The following LMBRD2 variants were observed in gnomAD, a reference collection of about 807,000 sequenced individuals.
LMBRD2 encodes LMBR1 domain containing 2.
Under a neutral mutation model 94.4 loss-of-function variants are expected in LMBRD2, and 55 were observed. The observed-to-expected ratio is 0.58, with a 90% confidence interval of 0.47 to 0.73. The LOEUF (loss-of-function observed/expected upper bound fraction) is 0.73. Ranked by LOEUF, LMBRD2 falls within the 30% of genes least tolerant of loss-of-function variation. The pLI is 0.00. For synonymous variants in LMBRD2, 246 were observed against 272.4 expected (o/e 0.90, Z 0.95); for missense variants, 640 against 831.9 (o/e 0.77, Z 2.84).
At chr5:36,132,249 CTG>C (rs1744172366) in intron 6 of LMBRD2, among the ~76,000 whole-genome samples, 2 of 151,980 alleles carry the variant, frequency 1.3e-5, no homozygotes, top group Non-Finnish European at 2.9e-5. Flanking sequence ...AACTGGAAAA[CTG>C]GATATATGCA....
At chr5:36,116,661 C>T in intron 10 of LMBRD2, 68 bp from the exon 11 acceptor site, 1 of 1,426,478 alleles carries the variant, frequency 7.0e-7, no homozygotes, top group South Asian at 1.2e-5. Flanking sequence ...CAATTACAGG[C>T]ATTATCCTTC....
intron 8 of LMBRD2, among the ~76,000 whole-genome samples, 165 bp downstream of exon 8, chr5:36,122,683 C>A (rs1243426494): frequency 6.6e-6 from 1 of 152,060 alleles, no homozygotes; most frequent in Non-Finnish European, 1.5e-5. Context: ...GCCAATAATA[C>A]CCCTGCTGGT....
intron 4 of LMBRD2, among the ~76,000 whole-genome samples, chr5:36,137,664 G>A (rs954167893): frequency 2.6e-5 from 4 of 152,114 alleles, no homozygotes; most frequent in Admixed American, 6.6e-5. Context: ...CCTTTATGAA[G>A]AGTCTGGACT....
chr5:36,145,483 C>T (rs1034078295), intron 1 of LMBRD2, among the ~76,000 whole-genome samples: 1 of 152,266 alleles, frequency 6.6e-6, no homozygotes, highest in Non-Finnish European at 1.5e-5. Context: ...GCCTCAGCTC[C>T]CAAAGTGCTG....
At position 36,099,684 on chromosome 5, in the gene LMBRD2, T is replaced by C. The variant is rs1454602965; in HGVS notation, c.*4362A>G. 2.0e-5 allele frequency: 3 copies of C among 152,144 alleles called. No homozygotes were observed. The highest frequency in any genetic ancestry group is 4.4e-5 in the Non-Finnish European group (3 of 68,008). 9.4% of individuals were successfully genotyped at this position (152,144 alleles called of 1,614,324 possible). On this transcript the variant is annotated 3_prime_UTR_variant, in exon 18 of 18. Coordinates refer to ENST00000296603, the MANE Select transcript of LMBRD2 (RefSeq NM_001007527.2). ...TTGAACTAAGTACAGTAAAATTCTT[T>C]CACAAAATAATCTGAGATCAAGATA...
rs1230552021 is a variant in LMBRD2, at chr5:36,118,511, C to G, written c.1121-595G>C. Among the ~76,000 whole-genome samples, 3 of 151,744 alleles carry G rather than the reference C, an allele frequency of 2.0e-5. No homozygotes were observed. In the East Asian group the frequency reaches 5.8e-4, roughly 29 times the overall value. ...AAATATACACGGAAACATTTAGGAA[C>G]AAGGAGGCATCATGTCTGGATACAA... On this transcript the variant is annotated intron_variant, in intron 9 of 17. Coordinates refer to ENST00000296603, the MANE Select transcript of LMBRD2 (RefSeq NM_001007527.2).
chr5:36,123,625 T>C (rs1470868843), intron 7 of LMBRD2, among the ~76,000 whole-genome samples: 2 of 151,708 alleles, frequency 1.3e-5, no homozygotes, highest in Admixed American at 6.6e-5. Flanking sequence ...ATAACCATTT[T>C]TGGAAGTATA....
In LMBRD2 at chr5:36,101,194, A is replaced by G; in HGVS notation, c.*2852T>C. 1 of 151,916 alleles carries G rather than the reference A, an allele frequency of 6.6e-6. No individual in the cohort carries two copies. Among genetic ancestry groups the G allele is most frequent in the Middle Eastern group, 3.2e-3 (1 of 316 alleles). 9.4% of individuals were successfully genotyped at this position (151,916 alleles called of 1,614,324 possible). A position where few individuals can be genotyped will look rare whatever the true frequency, so the allele number is the denominator to read the frequency against. On this transcript the variant is annotated 3_prime_UTR_variant, in exon 18 of 18. Transcript: ENST00000296603. ...TAAGAGAGCAAATTTTAATAATTAA[A>G]CTTATTCTTTCTTTTGTTTTTTACA...
intron 6 of LMBRD2, among the ~76,000 whole-genome samples, chr5:36,126,539 A>G (rs1016817193): frequency 2.6e-5 from 4 of 152,234 alleles, no homozygotes; most frequent in African/African-American, 9.6e-5. Context: ...GCTAACAGGC[A>G]GTTTTCAGTG....
intron 13 of LMBRD2, among the ~76,000 whole-genome samples, chr5:36,112,571 C>G (rs547772306): frequency 6.6e-6 from 1 of 151,970 alleles, no homozygotes; most frequent in East Asian, 1.9e-4. Flanking sequence ...TGAGTTAATC[C>G]GAAAATTAAG....
chr5:36,123,065 A>G, intron 7 of LMBRD2, 104 bp from the exon 8 acceptor site: 3 of 1,160,878 alleles, frequency 2.6e-6, no homozygotes, highest in Non-Finnish European at 3.4e-6. Flanking sequence ...AATTTTCTCA[A>G]AAACATCTTC....
chr5:36,119,924 T>C (rs1341699669), intron 9 of LMBRD2, among the ~76,000 whole-genome samples: 4 of 152,202 alleles, frequency 2.6e-5, no homozygotes, highest in Admixed American at 1.3e-4. Context: ...CACCATCTCA[T>C]CTCTACTAGT....
chr5:36,114,512 A>T lies in LMBRD2; in HGVS notation c.1552T>A (p.Ser518Thr). ...GCAATAAAGGATAAAACTTTCATGGAACCCATAATCTGAAGAGCAAGAAAA... is the reference window on the plus strand; with the variant it reads ...GCAATAAAGGATAAAACTTTCATGGTACCCATAATCTGAAGAGCAAGAAAA... The part of the protein sequence containing the change: ...QPTAYTSIMG[S>T]MKVLSFIADG... The change falls in exon 13 of 18, where the codon TCC (serine) becomes ACC (threonine). Residue 518 changes from serine to threonine, a missense_variant. This residue lies in a region of LMBRD2 where 457 missense variants were observed against 642.8 expected (regional missense o/e 0.71). Transcript: ENST00000296603. The T allele has an allele frequency of 6.4e-7, 1 of 1,551,214 alleles. No homozygotes were observed. Among genetic ancestry groups the T allele is most frequent in the South Asian group, 1.3e-5 (1 of 79,232 alleles).
At chr5:36,115,227 T>G (rs1245010276) in intron 11 of LMBRD2, 107 bp from the exon 12 acceptor site, 1 of 619,776 alleles carries the variant, frequency 1.6e-6, no homozygotes. Context: ...TAGCTAAAAT[T>G]TTCATCTATT....
At chr5:36,147,498 T>C (rs6878610) in intron 1 of LMBRD2, among the ~76,000 whole-genome samples, 5,405 of 152,246 alleles carry the variant, frequency 0.036, 317 homozygotes, top group African/African-American at 0.12. Context: ...ACTACCAGAT[T>C]TTAGTGCCCG....
intron 6 of LMBRD2, 56 bp downstream of exon 6, chr5:36,136,253 A>G (rs1579522178): frequency 6.5e-7 from 1 of 1,532,566 alleles, no homozygotes; most frequent in East Asian, 2.2e-5. Context: ...AAAAATGACT[A>G]AAAGGGGATA....
At position 36,105,181 on chromosome 5, in the gene LMBRD2, G is replaced by C; in HGVS notation, c.1914C>G (p.Thr638=). 5 of 1,611,512 alleles carry C rather than the reference G, an allele frequency of 3.1e-6. No homozygotes were observed. Among genetic ancestry groups the C allele is most frequent in the Non-Finnish European group, 4.2e-6 (5 of 1,178,506 alleles). Residue 638 remains threonine, a synonymous_variant, in exon 17 of 18, where the codon ACC becomes ACG. Coordinates refer to ENST00000296603, the MANE Select transcript of LMBRD2 (RefSeq NM_001007527.2). ...VNTNRSAFKY[T]RANNRTERDR... ...CCCTTTCAGTCCTGTTATTAGCCCT[G>C]GTATATTTGAATGCAGCTGCAAAGG...
At chr5:36,150,736 CCTT>C (rs1744677292) in intron 1 of LMBRD2, among the ~76,000 whole-genome samples, 1 of 152,188 alleles carries the variant, frequency 6.6e-6, no homozygotes, top group Admixed American at 6.5e-5. Flanking sequence ...TGAACAGATC[CCTT>C]CTTTACACCA....
intron 1 of LMBRD2, among the ~76,000 whole-genome samples, chr5:36,149,075 T>C (rs564409789): frequency 1.3e-5 from 2 of 152,298 alleles, no homozygotes; most frequent in South Asian, 2.1e-4. Flanking sequence ...AAGCTGCCTA[T>C]CTTAGAGCAT....
Sources: gnomAD v4.1 joint callset for allele counts (sites outside exome capture counted in the v4.1 genomes callset) on GRCh38, gnomAD v4.1.1 for gene constraint, gnomAD v4.1.1 regional missense constraint, MANE v1.5 for transcripts, NCBI Gene and HGNC (gene_info 2026-07-23, HGNC 2026-07-21) for gene names.